MSH4: variants seen among roughly 807,000 people sequenced by gnomAD.
MSH4 encodes mutS homolog 4.
Under a neutral mutation model 113.7 loss-of-function variants are expected in MSH4, and 106 were observed. That is an observed-to-expected ratio of 0.93 (90% CI 0.80 to 1.10). The LOEUF (loss-of-function observed/expected upper bound fraction) is 1.10, where lower values mean the gene tolerates loss of function less well. MSH4 is among the 50% of genes least tolerant of loss of function. MSH4 has a pLI of 0.00. For missense variants in MSH4, 1,061 were observed against 1,093.7 expected, an observed-to-expected ratio of 0.97 and a Z score of 0.42; for synonymous variants, 368 against 380.2, an observed-to-expected ratio of 0.97 and a Z score of 0.37.
At chr1:75,798,475 C>A (rs1440274272) in intron 1 of MSH4, among the ~76,000 whole-genome samples, 3 of 152,258 alleles carry the variant, frequency 2.0e-5, no homozygotes, top group African/African-American at 4.8e-5. Context: ...TCCAGACTTA[C>A]TTCAGACTGT....
intron 18 of MSH4, among the ~76,000 whole-genome samples, chr1:75,898,963 A>C (rs1216948930): frequency 2.0e-5 from 3 of 152,168 alleles, no homozygotes; most frequent in Non-Finnish European, 1.5e-5. Flanking sequence ...GATTCAATTA[A>C]TTATCAAATG....
chr1:75,854,136 G>A (rs907467457), intron 8 of MSH4, among the ~76,000 whole-genome samples: 1 of 150,690 alleles, frequency 6.6e-6, no homozygotes, highest in African/African-American at 2.4e-5. Context: ...CAGTCACAGG[G>A]TTCATACTAG....
At chr1:75,809,219 T>G (rs1400736602) in intron 3 of MSH4, among the ~76,000 whole-genome samples, 1 of 152,124 alleles carries the variant, frequency 6.6e-6, no homozygotes, top group Admixed American at 6.5e-5. Flanking sequence ...TCGAGCCTAG[T>G]TAATTATTAT....
At chr1:75,810,049 T>C (rs1470530518) in intron 3 of MSH4, among the ~76,000 whole-genome samples, 1 of 152,178 alleles carries the variant, frequency 6.6e-6, no homozygotes, top group Non-Finnish European at 1.5e-5. Context: ...ATTTTGGGAA[T>C]ATATATTTGA....
At chr1:75,852,990 G>A (rs985110826) in intron 8 of MSH4, among the ~76,000 whole-genome samples, 12 of 152,070 alleles carry the variant, frequency 7.9e-5, no homozygotes, top group African/African-American at 1.9e-4. Context: ...AAATTATTAC[G>A]TTATACAGAG....
chr1:75,847,736 T>C (rs990783435), intron 7 of MSH4, among the ~76,000 whole-genome samples: 1 of 152,202 alleles, frequency 6.6e-6, no homozygotes, highest in African/African-American at 2.4e-5. Context: ...CCTCACTTTC[T>C]AACAACCTGT....
chr1:75,889,402 C>A, intron 16 of MSH4, 33 bp downstream of exon 16: 2 of 954,998 alleles, frequency 2.1e-6, no homozygotes, highest in African/African-American at 1.7e-5. Flanking sequence ...ATGTTAAAAA[C>A]ATTAAATTCT....
chr1:75,912,410 C>T (rs1652805875), intron 19 of MSH4, among the ~76,000 whole-genome samples: 2 of 152,008 alleles, frequency 1.3e-5, no homozygotes, highest in Admixed American at 1.3e-4. Context: ...GAAATCTGAC[C>T]TATTTAGCAT....
chr1:75,803,740 T>C lies in MSH4; in HGVS notation c.254T>C (p.Phe85Ser). 1 of 1,570,102 alleles carries C rather than the reference T, an allele frequency of 6.4e-7. No homozygotes were observed. The highest frequency in any genetic ancestry group is 8.6e-7 in the Non-Finnish European group (1 of 1,163,422). The change falls in exon 2 of 20, where the codon TTT becomes TCT. Residue 85 changes from phenylalanine to serine, a missense_variant. Coordinates refer to ENST00000263187, the MANE Select transcript of MSH4 (RefSeq NM_002440.4). ...AATTTTTCAAATTTAGGTTCATACT[T>C]TGGAAACAAAAGAGCTTATGCAGAA... ...PNSRPAQGSY[F>S]GNKRAYAENT...
intron 15 of MSH4, among the ~76,000 whole-genome samples, chr1:75,885,973 ATAGTATATATGATGTATTATATAGCATG>A (rs1471060982): frequency 1.2e-4 from 13 of 112,476 alleles, no homozygotes; most frequent in African/African-American, 2.4e-4. Flanking sequence ...TATAGCATGT[ATAGTATATATGATGTATTATATAGCATG>A]TATAGTATAT....
intron 7 of MSH4, among the ~76,000 whole-genome samples, chr1:75,830,594 A>T (rs940184321): frequency 1.3e-5 from 2 of 152,236 alleles, no homozygotes; most frequent in African/African-American, 4.8e-5. Flanking sequence ...CGGATCTCCC[A>T]GCAGAAACTC....
At chr1:75,814,291 C>CA (rs138983828) in intron 4 of MSH4, among the ~76,000 whole-genome samples, 3,929 of 101,072 alleles carry the variant, frequency 0.039, 80 homozygotes, top group African/African-American at 0.046. Flanking sequence ...TATCTCTGCT[C>CA]AAAAAAAAAA....
Position 75,897,949 on chromosome 1 carries a change from A to G in MSH4, c.2398A>G (p.Ile800Val), listed in dbSNP as rs1570997019. Residue 800 changes from isoleucine to valine, a missense_variant, in exon 18 of 20, where the codon ATT becomes GTT. Physicochemically the swap from Ile to Val is conservative, Grantham distance 29. Transcript: ENST00000263187. The part of the protein sequence containing the change: ...FATHFLELCH[I>V]DALYPNVENM... The stretch of plus-strand genomic sequence containing the variant: ...TACACATTTCCTGGAACTATGCCAT[A>G]TTGATGCCCTGTATCCTAATGTAGA... The G allele has an allele frequency of 3.8e-6, 6 of 1,596,140 alleles. No homozygotes were observed. Among genetic ancestry groups the G allele is most frequent in the Middle Eastern group, 1.7e-4 (1 of 6,016 alleles).
At position 75,828,075 on chromosome 1, in the gene MSH4, C is replaced by A. The variant is rs143064916; in HGVS notation, c.1162+5494C>A. ...GAAAAAATGCTCAATGTCACTAATC[C>A]TCAGAAAAGTACAAATCAAAACCAC... is the stretch of plus-strand genomic sequence containing the variant. On this transcript the variant is annotated intron_variant, in intron 7 of 19. Transcript: ENST00000263187. 2.6e-5 allele frequency among the ~76,000 whole-genome samples: 4 copies of A among 152,230 alleles called. No homozygotes were observed. In the East Asian group the frequency reaches 7.7e-4, roughly 29 times the overall value.
At chr1:75,880,210 G>A in intron 13 of MSH4, 57 bp downstream of exon 13, 3 of 893,096 alleles carry the variant, frequency 3.4e-6, no homozygotes, top group Non-Finnish European at 5.2e-6. Flanking sequence ...TTGAGAAACT[G>A]TTACAATTGT....
chr1:75,885,059 G>GTATATATATATATATATATATATATATA (rs1198722667), intron 15 of MSH4, among the ~76,000 whole-genome samples: 15 of 112,534 alleles, frequency 1.3e-4, no homozygotes, highest in African/African-American at 4.9e-4. Context: ...GTGTGTGTGT[G>GTATATATATATATATATATATATATATA]TATATATATA....
rs79687731 is a variant in MSH4 at position 75,864,513 on chromosome 1, C to T, written c.1231-3001C>T. ...GAACTCCAGTTTTTCTTCCCCAAACCTGATATTACTGGTTTTAAAATTTTA... is the reference window on the plus strand; with the variant it reads ...GAACTCCAGTTTTTCTTCCCCAAACTTGATATTACTGGTTTTAAAATTTTA... On this transcript the variant is annotated intron_variant, in intron 8 of 19. Transcript: ENST00000263187. Among the ~76,000 whole-genome samples the T allele has an allele frequency of 8.5e-5, 13 of 152,266 alleles. No individual in the cohort carries two copies. The East Asian group carries it at 1.9e-3, about 23-fold the overall frequency.
intron 7 of MSH4, among the ~76,000 whole-genome samples, chr1:75,839,268 G>A (rs1396543124): frequency 6.6e-6 from 1 of 151,946 alleles, no homozygotes; most frequent in African/African-American, 2.4e-5. Flanking sequence ...AGGCTGGAGT[G>A]CAGTGGCACA....
intron 8 of MSH4, among the ~76,000 whole-genome samples, chr1:75,853,390 G>T (rs932734459): frequency 6.6e-6 from 1 of 152,022 alleles, no homozygotes; most frequent in Non-Finnish European, 1.5e-5. Flanking sequence ...TTAGATTCAG[G>T]TTACATAACA....
Sources: allele counts gnomAD v4.1 joint callset (sites outside exome capture counted in the v4.1 genomes callset), GRCh38; gene constraint gnomAD v4.1.1; transcripts MANE v1.5; gene names NCBI Gene and HGNC (gene_info 2026-07-23, HGNC 2026-07-21).